Variants in CFTR observed in about 807,000 individuals in gnomAD.
The protein encoded by CFTR is cystic fibrosis transmembrane conductance regulator.
CFTR carries 181 observed loss-of-function variants against 171.6 expected under a neutral mutation model. The observed-to-expected ratio is 1.05, with a 90% CI of 0.93 to 1.19. The LOEUF is 1.19. CFTR is among the 50% of genes most tolerant of loss of function. The pLI is 0.00. For synonymous variants in CFTR, 583 were observed against 608.0 expected (o/e 0.96, Z 0.60); for missense variants, 1,968 against 1,734.7 (o/e 1.13, Z -2.39).
chr7:117,582,559 G>A (rs1043498161), intron 11 of CFTR, among the ~76,000 whole-genome samples: 1 of 152,106 alleles, frequency 6.6e-6, no homozygotes, highest in South Asian at 2.1e-4. Context: ...ACAAGGGGGA[G>A]GAGAGTACTG....
chr7:117,602,848 T>C lies in CFTR; in HGVS notation c.2642T>C (p.Leu881Pro). Reference sequence around the variant, plus strand: ...CAGGTGGCTGCTTCTTTGGTTGTGCTGTGGCTCCTTGGAAAGTGAGTATTC... The same window carrying C: ...CAGGTGGCTGCTTCTTTGGTTGTGCCGTGGCTCCTTGGAAAGTGAGTATTC... ...LAEVAASLVVLWLLGNTPLQD... is the reference protein window; with the variant it reads ...LAEVAASLVVPWLLGNTPLQD... The change falls in exon 16 of 27, where the codon CTG (leucine) becomes CCG (proline). Residue 881 changes from leucine (L) to proline (P), a missense_variant. Physicochemically the swap from Leu to Pro is moderately conservative, Grantham distance 98. Transcript: ENST00000003084. 1.9e-6 allele frequency: 3 copies of C among 1,613,944 alleles called. No individual in the cohort carries two copies. Among genetic ancestry groups the C allele is most frequent in the Non-Finnish European group, 2.5e-6 (3 of 1,179,800 alleles).
At chr7:117,619,145 T>C (rs1300381680) in intron 21 of CFTR, among the ~76,000 whole-genome samples, 1 of 152,250 alleles carries the variant, frequency 6.6e-6, no homozygotes, top group Non-Finnish European at 1.5e-5. Flanking sequence ...AGCAATTATC[T>C]TACATCTTTT....
At chr7:117,564,236 T>A (rs1211255881) in intron 11 of CFTR, among the ~76,000 whole-genome samples, 1 of 152,200 alleles carries the variant, frequency 6.6e-6, no homozygotes, top group Non-Finnish European at 1.5e-5. Context: ...GTCTCAGACA[T>A]TGAGCAGATG....
chr7:117,624,943 G>C (rs1046999365), intron 21 of CFTR, among the ~76,000 whole-genome samples: 3 of 152,134 alleles, frequency 2.0e-5, no homozygotes, highest in African/African-American at 4.8e-5. Flanking sequence ...TCTCCTTCCA[G>C]AGGTACTGGA....
At chr7:117,519,732 C>G (rs954939166) in intron 3 of CFTR, among the ~76,000 whole-genome samples, 2 of 151,900 alleles carry the variant, frequency 1.3e-5, no homozygotes, top group African/African-American at 4.8e-5. Flanking sequence ...GAATGCCTTT[C>G]CATGTCATTA....
chr7:117,500,274 C>CTTTAT (rs1562881494), intron 1 of CFTR, among the ~76,000 whole-genome samples: 2 of 133,420 alleles, frequency 1.5e-5, no homozygotes, highest in Non-Finnish European at 1.6e-5. Context: ...AATTTTCTTC[C>CTTTAT]TTTCTTTTTT....
chr7:117,514,647 G>T (rs1233728057), intron 3 of CFTR, among the ~76,000 whole-genome samples: 7 of 152,090 alleles, frequency 4.6e-5, no homozygotes. Flanking sequence ...ATAGTAGAAT[G>T]ATTTATATTA....
chr7:117,586,694 G>A (rs935761116), intron 11 of CFTR, among the ~76,000 whole-genome samples: 2 of 152,042 alleles, frequency 1.3e-5, no homozygotes, highest in Non-Finnish European at 2.9e-5. Context: ...AGAAGCATAT[G>A]GAAGAGAAGT....
At chr7:117,590,635 T>C (rs1180986970) in intron 13 of CFTR, among the ~76,000 whole-genome samples, 196 bp downstream of exon 13, 1 of 152,058 alleles carries the variant, frequency 6.6e-6, no homozygotes, top group Non-Finnish European at 1.5e-5. Context: ...TTAAAACCTT[T>C]TCTCACCGCC....
intron 22 of CFTR, among the ~76,000 whole-genome samples, chr7:117,634,830 AT>A (rs1207742755): frequency 6.6e-6 from 1 of 151,966 alleles, no homozygotes; most frequent in East Asian, 1.9e-4. Flanking sequence ...TATAATTTTA[AT>A]TTTTATAAAA....
At chr7:117,555,582 C>T (rs1023742723) in intron 10 of CFTR, among the ~76,000 whole-genome samples, 1 of 152,174 alleles carries the variant, frequency 6.6e-6, no homozygotes, top group African/African-American at 2.4e-5. Context: ...CCTTGAATAA[C>T]ATCAAGCAAT....
chr7:117,536,945 A>G (rs1302969795), intron 7 of CFTR, among the ~76,000 whole-genome samples: 1 of 152,206 alleles, frequency 6.6e-6, no homozygotes, highest in Non-Finnish European at 1.5e-5. Context: ...ACTGCTGCTC[A>G]ATACATTTAT....
chr7:117,605,835 G>C (rs914431156), intron 17 of CFTR, among the ~76,000 whole-genome samples: 1 of 152,090 alleles, frequency 6.6e-6, no homozygotes, highest in Non-Finnish European at 1.5e-5. Flanking sequence ...ATTATGCAAG[G>C]CATTAAATAT....
chr7:117,501,793 C>T (rs867355476), intron 1 of CFTR, among the ~76,000 whole-genome samples: 1 of 99,946 alleles, frequency 1.0e-5, no homozygotes. Context: ...AAAAAAAAAA[C>T]AAAAAGCAAA....
intron 1 of CFTR, among the ~76,000 whole-genome samples, chr7:117,498,267 T>C (rs1173354860): frequency 1.3e-5 from 2 of 152,192 alleles, no homozygotes; most frequent in Non-Finnish European, 2.9e-5. Flanking sequence ...TTGGTAAAAT[T>C]AAGCCTCATG....
chr7:117,620,704 C>T (rs1229647998), intron 21 of CFTR, among the ~76,000 whole-genome samples: 4 of 152,170 alleles, frequency 2.6e-5, no homozygotes, highest in African/African-American at 9.6e-5. Flanking sequence ...ATTCACTGGT[C>T]TTTGTGCCCA....
At chr7:117,558,585 A>G (rs541344081) in intron 10 of CFTR, among the ~76,000 whole-genome samples, 3 of 151,688 alleles carry the variant, frequency 2.0e-5, no homozygotes, top group Non-Finnish European at 4.4e-5. Context: ...AAATAAATAA[A>G]TAAAATCAGT....
At chr7:117,496,075 A>G (rs559127433) in intron 1 of CFTR, among the ~76,000 whole-genome samples, 2 of 152,152 alleles carry the variant, frequency 1.3e-5, no homozygotes, top group Admixed American at 1.3e-4. Context: ...TGTACTTTCC[A>G]TCTCTATAGA....
Position 117,590,384 on chromosome 7 carries a change from T to C in CFTR, c.1711T>C (p.Leu571=), listed in dbSNP as rs774376246. 3.1e-6 allele frequency: 5 copies of C among 1,603,628 alleles called. No individual in the cohort carries two copies. In the South Asian group the frequency reaches 3.3e-5, roughly 11 times the overall value. ...AVYKDADLYL[L]DSPFGYLDVL... ...ATACAAAGATGCTGATTTGTATTTA[T>C]TAGACTCTCCTTTTGGATACCTAGA... Residue 571 remains leucine (L), a synonymous_variant, in exon 13 of 27, where the codon TTA becomes CTA. Transcript: ENST00000003084.
Sources: gnomAD v4.1 joint callset for allele counts (sites outside exome capture counted in the v4.1 genomes callset) on GRCh38, gnomAD v4.1.1 for gene constraint, MANE v1.5 for transcripts, NCBI Gene and HGNC (gene_info 2026-07-23, HGNC 2026-07-21) for gene names.